ACAD11: variants seen among roughly 807,000 people sequenced by gnomAD.
The protein encoded by ACAD11 is acyl-Coenzyme A dehydrogenase family, member 11.
A neutral mutation model predicts 102.2 loss-of-function variants in ACAD11; 83 were observed. That is an observed-to-expected ratio of 0.81 (90% CI 0.68 to 0.97). The LOEUF (loss-of-function observed/expected upper bound fraction) is 0.97. Ranked by LOEUF, ACAD11 falls within the 50% of genes least tolerant of loss-of-function variation. The pLI, the probability that ACAD11 is intolerant of heterozygous loss-of-function variation, is 0.00. For synonymous variants in ACAD11, 324 were observed against 319.8 expected (o/e 1.01, Z -0.14); for missense variants, 901 against 951.7 (o/e 0.95, Z 0.70).
intron 11 of ACAD11, among the ~76,000 whole-genome samples, chr3:132,611,827 C>G (rs1225918190): frequency 4.6e-5 from 7 of 151,924 alleles, no homozygotes; most frequent in Admixed American, 3.3e-4. Context: ...TCAATGCCAT[C>G]CCCATCAAGC....
chr3:132,559,558 C>T (rs1403961509), intron 19 of ACAD11, among the ~76,000 whole-genome samples: 7 of 152,032 alleles, frequency 4.6e-5, no homozygotes, highest in African/African-American at 1.7e-4. Context: ...CTGACATGTC[C>T]TGCTACAAAT....
At chr3:132,622,117 C>T (rs577575064) in intron 9 of ACAD11, among the ~76,000 whole-genome samples, 5 of 152,082 alleles carry the variant, frequency 3.3e-5, no homozygotes, top group Non-Finnish European at 7.4e-5. Flanking sequence ...TGTTTCTACA[C>T]TTAGGCTAGT....
At chr3:132,613,816 T>C (rs866463643) in intron 11 of ACAD11, among the ~76,000 whole-genome samples, 8 of 151,956 alleles carry the variant, frequency 5.3e-5, no homozygotes, top group Non-Finnish European at 7.4e-5. Context: ...GGAGAATTGC[T>C]TGGGCCTGGG....
At chr3:132,616,810 AAT>A (rs1334246018) in intron 11 of ACAD11, among the ~76,000 whole-genome samples, 1 of 152,206 alleles carries the variant, frequency 6.6e-6, no homozygotes, top group East Asian at 1.9e-4. Flanking sequence ...AATAGACTTT[AAT>A]TTTACAGTAG....
At chr3:132,648,248 A>G (rs1380893362) in intron 1 of ACAD11, among the ~76,000 whole-genome samples, 1 of 152,196 alleles carries the variant, frequency 6.6e-6, no homozygotes, top group Non-Finnish European at 1.5e-5. Flanking sequence ...ATACTTAAAC[A>G]GTTCATTTAC....
In ACAD11 at chr3:132,642,735, A is replaced by T. The variant is rs1940573195; in HGVS notation, c.317T>A (p.Leu106Gln). Reference protein sequence around the residue: ...SIGFPVPKPILYCSDTSVIGT... With the variant: ...SIGFPVPKPIQYCSDTSVIGT... ...AATGACAGAAGTATCACTGCAGTACAGTATAGGCTTGGGAACGGGGAATCC... is the reference window on the plus strand; with the variant it reads ...AATGACAGAAGTATCACTGCAGTACTGTATAGGCTTGGGAACGGGGAATCC... Residue 106 changes from leucine to glutamine, a missense_variant, in exon 3 of 20, where the codon CTG (leucine) becomes CAG (glutamine). Leu to Gln is a moderately radical substitution (Grantham distance 113). Coordinates refer to ENST00000264990, the MANE Select transcript of ACAD11 (RefSeq NM_032169.5). 1.9e-6 allele frequency: 3 copies of T among 1,613,512 alleles called. No individual in the cohort carries two copies. Among genetic ancestry groups the T allele is most frequent in the Non-Finnish European group, 2.5e-6 (3 of 1,179,792 alleles).
intron 5 of ACAD11, among the ~76,000 whole-genome samples, chr3:132,636,946 G>A (rs966417668): frequency 5.9e-5 from 9 of 152,080 alleles, no homozygotes; most frequent in Non-Finnish European, 1.3e-4. Context: ...AAATGTGAGA[G>A]TTTGAGAAGA....
chr3:132,656,746 C>T (rs1447758000), intron 1 of ACAD11, among the ~76,000 whole-genome samples: 1 of 152,120 alleles, frequency 6.6e-6, no homozygotes, highest in African/African-American at 2.4e-5. Flanking sequence ...CCTGCTTCAG[C>T]CTCCCAAAGT....
intron 11 of ACAD11, among the ~76,000 whole-genome samples, chr3:132,607,377 C>T (rs1288215667): frequency 6.6e-6 from 1 of 152,056 alleles, no homozygotes; most frequent in Non-Finnish European, 1.5e-5. Context: ...AGAACCTTGA[C>T]AAAAGGTTAG....
intron 5 of ACAD11, among the ~76,000 whole-genome samples, chr3:132,637,253 G>C (rs1429639055): frequency 2.6e-5 from 4 of 151,994 alleles, no homozygotes; most frequent in Admixed American, 2.6e-4. Flanking sequence ...AGTAACCTAA[G>C]GTCAGGACAC....
chr3:132,567,601 TC>T (rs1243835571), intron 17 of ACAD11, among the ~76,000 whole-genome samples: 6 of 151,772 alleles, frequency 4.0e-5, no homozygotes, highest in African/African-American at 1.5e-4. Context: ...AAATAAAATA[TC>T]CGATTTAAGC....
chr3:132,614,279 C>T (rs1003766136), intron 11 of ACAD11, among the ~76,000 whole-genome samples: 3 of 152,140 alleles, frequency 2.0e-5, no homozygotes, highest in African/African-American at 7.2e-5. Context: ...ATGCCATCCC[C>T]ATCAAGCTAC....
At chr3:132,653,960 C>T (rs183043373) in intron 1 of ACAD11, among the ~76,000 whole-genome samples, 17 of 152,256 alleles carry the variant, frequency 1.1e-4, no homozygotes, top group Admixed American at 6.5e-4. Flanking sequence ...ATCTCTGCCC[C>T]GACCTCAAGA....
chr3:132,599,363 C>G (rs1176227275), intron 13 of ACAD11, among the ~76,000 whole-genome samples: 1 of 151,790 alleles, frequency 6.6e-6, no homozygotes, highest in Non-Finnish European at 1.5e-5. Flanking sequence ...AAAAATTAGC[C>G]AGGCATGGTG....
intron 13 of ACAD11, among the ~76,000 whole-genome samples, chr3:132,598,623 G>T (rs149742854): frequency 6.6e-6 from 1 of 152,316 alleles, no homozygotes; most frequent in East Asian, 1.9e-4. Context: ...GGTCGCATCC[G>T]CGTTTATTGA....
chr3:132,573,098 G>C (rs1576550573), intron 17 of ACAD11, among the ~76,000 whole-genome samples: 1 of 152,102 alleles, frequency 6.6e-6, no homozygotes, highest in East Asian at 1.9e-4. Context: ...CCCTCCAACT[G>C]GCCCCGGTGT....
intron 11 of ACAD11, among the ~76,000 whole-genome samples, chr3:132,611,214 G>T (rs1392452150): frequency 6.6e-6 from 1 of 151,992 alleles, no homozygotes. Context: ...GGTATCAATG[G>T]GACGTATCTC....
chr3:132,618,094 TAA>T (rs994966940), intron 11 of ACAD11, among the ~76,000 whole-genome samples: 9 of 152,024 alleles, frequency 5.9e-5, no homozygotes, highest in Non-Finnish European at 8.8e-5. Context: ...ACTTATTACG[TAA>T]GTTTGAAGTT....
chr3:132,616,341 A>G (rs1423572762), intron 11 of ACAD11, among the ~76,000 whole-genome samples: 1 of 152,248 alleles, frequency 6.6e-6, no homozygotes, highest in Admixed American at 6.5e-5. Context: ...TCACAGGTCA[A>G]ATGATAAAAT....
Sources: gnomAD v4.1 joint callset for allele counts (sites outside exome capture counted in the v4.1 genomes callset) on GRCh38, gnomAD v4.1.1 for gene constraint, MANE v1.5 for transcripts, NCBI Gene and HGNC (gene_info 2026-07-23, HGNC 2026-07-21) for gene names.